The following TMEM62 variants were observed in gnomAD, a reference collection of about 807,000 sequenced individuals.
TMEM62 encodes the protein transmembrane protein 62.
A neutral mutation model predicts 70.4 loss-of-function variants in TMEM62; 41 were observed. The observed-to-expected ratio is 0.58, with a 90% CI of 0.45 to 0.76. The LOEUF (loss-of-function observed/expected upper bound fraction) is 0.76. Among genes scored for constraint, TMEM62 ranks in the 30% least tolerant of loss-of-function variants. The pLI, the probability that TMEM62 is intolerant of heterozygous loss-of-function variation, is 0.00. For synonymous variants in TMEM62, 268 were observed against 291.0 expected, an observed-to-expected ratio of 0.92 and a Z score of 0.80; for missense variants, 688 against 788.5, an observed-to-expected ratio of 0.87 and a Z score of 1.53.
chr15:43,148,090 A>G (rs928327660), intron 5 of TMEM62, among the ~76,000 whole-genome samples: 11 of 152,188 alleles, frequency 7.2e-5, no homozygotes, highest in Non-Finnish European at 1.6e-4. Flanking sequence ...CCATCATCCT[A>G]AAGTCTTGTC....
At chr15:43,152,622 TG>T (rs1401606993) in intron 8 of TMEM62, among the ~76,000 whole-genome samples, 1 of 152,154 alleles carries the variant, frequency 6.6e-6, no homozygotes, top group Non-Finnish European at 1.5e-5. Context: ...CTCGAACTCC[TG>T]ACCTCAAGGG....
At chr15:43,151,143 C>T (rs1009187030) in intron 7 of TMEM62, among the ~76,000 whole-genome samples, 12 of 151,984 alleles carry the variant, frequency 7.9e-5, no homozygotes, top group Admixed American at 5.2e-4. Flanking sequence ...GTCAGGAGTT[C>T]GAGACCAGCC....
chr15:43,167,660 G>T (rs1023015141), intron 10 of TMEM62, among the ~76,000 whole-genome samples: 1 of 150,750 alleles, frequency 6.6e-6, no homozygotes, highest in African/African-American at 2.4e-5. Flanking sequence ...AGGCAGAGGG[G>T]CTCCTCACAT....
At chr15:43,157,996 C>CT (rs1411385516) in intron 9 of TMEM62, among the ~76,000 whole-genome samples, 1 of 152,060 alleles carries the variant, frequency 6.6e-6, no homozygotes, top group Admixed American at 6.5e-5. Context: ...CCTCCCCCCT[C>CT]TTTTTTGTAC....
At chr15:43,145,891 C>T (rs1238597705) in intron 4 of TMEM62, among the ~76,000 whole-genome samples, 4 of 152,300 alleles carry the variant, frequency 2.6e-5, no homozygotes, top group East Asian at 1.9e-4. Flanking sequence ...TCCTGGTCTT[C>T]ACTCTGCAGT....
In TMEM62 at chr15:43,184,615, C is replaced by CAG. The variant is rs747827878; in HGVS notation, c.*31_*32dup. On this transcript the variant is annotated 3_prime_UTR_variant, in exon 14 of 14. Coordinates refer to ENST00000260403, the MANE Select transcript of TMEM62 (RefSeq NM_024956.4). ...CCATGTCTCACCACTGGCAGCTGGG[C>CAG]AGAAGCCCAGCCTCTGTGTCTGTAG... is the stretch of plus-strand genomic sequence containing the variant. The CAG allele has an allele frequency of 1.3e-6, 2 of 1,590,684 alleles. No individual in the cohort carries two copies. The highest frequency in any genetic ancestry group is 3.4e-5 in the Admixed American group (2 of 59,358).
At chr15:43,169,271 G>A (rs1007628095) in intron 10 of TMEM62, 2 of 211,212 alleles carry the variant, frequency 9.5e-6, no homozygotes, top group African/African-American at 4.6e-5. Context: ...GGTTCTATTT[G>A]GCCATCTTGC....
At chr15:43,156,047 C>T (rs528172198) in intron 9 of TMEM62, among the ~76,000 whole-genome samples, 1 of 152,170 alleles carries the variant, frequency 6.6e-6, no homozygotes, top group Non-Finnish European at 1.5e-5. Flanking sequence ...CACACACACA[C>T]ACACACACAC....
intron 9 of TMEM62, among the ~76,000 whole-genome samples, chr15:43,157,033 T>C (rs1043226882): frequency 1.4e-4 from 22 of 152,308 alleles, no homozygotes; most frequent in African/African-American, 4.3e-4. Context: ...TCTGTCCTTT[T>C]AAGTACAGTA....
chr15:43,171,838 A>G (rs2040234820), intron 11 of TMEM62, among the ~76,000 whole-genome samples: 1 of 151,900 alleles, frequency 6.6e-6, no homozygotes, highest in African/African-American at 2.4e-5. Context: ...CATGTTAGCC[A>G]GCTTGGTCTC....
At chr15:43,150,236 G>A (rs958797420) in intron 7 of TMEM62, among the ~76,000 whole-genome samples, 1 of 152,126 alleles carries the variant, frequency 6.6e-6, no homozygotes, top group Non-Finnish European at 1.5e-5. Flanking sequence ...GTAATTATTT[G>A]GCAACTATAA....
At chr15:43,152,016 C>G in intron 8 of TMEM62, 71 bp downstream of exon 8, 1 of 1,238,950 alleles carries the variant, frequency 8.1e-7, no homozygotes, top group South Asian at 1.6e-5. Flanking sequence ...TGATTGCATT[C>G]CCATGTGAAA....
chr15:43,176,570 A>G (rs1239969595), intron 11 of TMEM62, among the ~76,000 whole-genome samples: 1 of 152,208 alleles, frequency 6.6e-6, no homozygotes, highest in Non-Finnish European at 1.5e-5. Flanking sequence ...TACCCAGGCA[A>G]ACAGGGTCTG....
chr15:43,162,310 T>C lies in TMEM62; in HGVS notation c.1296+1516T>C, dbSNP rs910459411. Among the ~76,000 whole-genome samples, 14 of 151,298 alleles carry C rather than the reference T, an allele frequency of 9.3e-5. 1 individual carries two copies. Among genetic ancestry groups the C allele is most frequent in the Admixed American group, 8.5e-4 (13 of 15,206 alleles). ...CCCCGACCACGTCCAGCTTTTTTTT[T>C]TTTTTTTCAGTAGAGTCGGGGTTTT... On this transcript the variant is annotated intron_variant, in intron 10 of 13. Coordinates refer to ENST00000260403, the MANE Select transcript of TMEM62 (RefSeq NM_024956.4).
At chr15:43,165,760 A>AAAATAAAT (rs538743429) in intron 10 of TMEM62, among the ~76,000 whole-genome samples, 4 of 151,654 alleles carry the variant, frequency 2.6e-5, no homozygotes, top group Non-Finnish European at 5.9e-5. Flanking sequence ...AATTAAATAA[A>AAAATAAAT]AAATAAATAA....
At chr15:43,150,970 T>C (rs1366963732) in intron 7 of TMEM62, among the ~76,000 whole-genome samples, 1 of 152,260 alleles carries the variant, frequency 6.6e-6, no homozygotes, top group African/African-American at 2.4e-5. Flanking sequence ...AAACTTTGGT[T>C]ATTCTTTAAT....
At chr15:43,162,628 C>T (rs1011707060) in intron 10 of TMEM62, among the ~76,000 whole-genome samples, 14 of 150,962 alleles carry the variant, frequency 9.3e-5, no homozygotes, top group African/African-American at 1.2e-4. Flanking sequence ...GACGGGGTTT[C>T]GCCATGTTGG....
At chr15:43,141,280 C>T (rs922255556) in intron 4 of TMEM62, among the ~76,000 whole-genome samples, 2 of 152,210 alleles carry the variant, frequency 1.3e-5, no homozygotes, top group African/African-American at 4.8e-5. Context: ...TAGCTGATGA[C>T]TTTAAGTGGA....
At chr15:43,182,107 G>A (rs565185576) in intron 13 of TMEM62, among the ~76,000 whole-genome samples, 3 of 152,220 alleles carry the variant, frequency 2.0e-5, no homozygotes, top group Non-Finnish European at 4.4e-5. Context: ...GATGTATTAG[G>A]TTTACATTTG....
Sources: gnomAD v4.1 joint callset for allele counts (sites outside exome capture counted in the v4.1 genomes callset) on GRCh38, gnomAD v4.1.1 for gene constraint, MANE v1.5 for transcripts, NCBI Gene and HGNC (gene_info 2026-07-23, HGNC 2026-07-21) for gene names.